SPMIP7: variants seen among roughly 807,000 people sequenced by gnomAD.
SPMIP7 encodes protein SPMIP7.
At chr7:50,122,705 C>G in the SPMIP7 span, among the ~76,000 whole-genome samples, 12 of 151,102 alleles carry the variant, frequency 7.9e-5, no homozygotes, top group Admixed American at 2.0e-4. Context: ...ACAATGAACT[C>G]AAACAAATTT....
chr7:50,138,234 T>C, the SPMIP7 span, among the ~76,000 whole-genome samples: 1 of 152,222 alleles, frequency 6.6e-6, no homozygotes, highest in Non-Finnish European at 1.5e-5. Context: ...CTCAGTTTAA[T>C]GACAGGATCT....
chr7:50,098,875 GTTAA>G, the SPMIP7 span, among the ~76,000 whole-genome samples: 1 of 152,068 alleles, frequency 6.6e-6, no homozygotes, highest in Admixed American at 6.6e-5. Flanking sequence ...CATCTTTATA[GTTAA>G]TTAACATTAA....
At chr7:50,149,908 G>A in the SPMIP7 span, among the ~76,000 whole-genome samples, 3 of 152,020 alleles carry the variant, frequency 2.0e-5, no homozygotes, top group African/African-American at 4.8e-5. Flanking sequence ...AAGTCCTTCC[G>A]GTTGGTATCA....
chr7:50,104,106 G>A, the SPMIP7 span, among the ~76,000 whole-genome samples: 1 of 152,148 alleles, frequency 6.6e-6, no homozygotes, highest in African/African-American at 2.4e-5. Flanking sequence ...AATAACAAGT[G>A]ATTCTGCACT....
chr7:50,146,951 A>G, the SPMIP7 span, among the ~76,000 whole-genome samples: 6 of 152,314 alleles, frequency 3.9e-5, no homozygotes, highest in East Asian at 3.9e-4. Flanking sequence ...CTGATGGCCA[A>G]TTATAGGTGA....
the SPMIP7 span, chr7:50,120,244 G>A: frequency 2.6e-5 from 4 of 152,178 alleles, no homozygotes; most frequent in African/African-American, 7.2e-5. Context: ...TTTCCACTGA[G>A]AAAAGTTTCT....
chr7:50,155,366 A>G, the SPMIP7 span, among the ~76,000 whole-genome samples: 2 of 152,226 alleles, frequency 1.3e-5, no homozygotes, highest in Non-Finnish European at 2.9e-5. Context: ...CATGTGAGGG[A>G]CATAAAACAA....
chr7:50,096,327 A>G, the SPMIP7 span: 3 of 1,552,104 alleles, frequency 1.9e-6, 1 homozygote, highest in African/African-American at 2.7e-5. Context: ...TATCATTTAC[A>G]TGATCCTTAT....
At chr7:50,155,255 A>T in the SPMIP7 span, among the ~76,000 whole-genome samples, 87 of 152,344 alleles carry the variant, frequency 5.7e-4, no homozygotes, top group African/African-American at 2.0e-3. Flanking sequence ...TACACAAGAA[A>T]CCATTGCCAA....
chr7:50,143,499 T>G, the SPMIP7 span, among the ~76,000 whole-genome samples: 2 of 152,172 alleles, frequency 1.3e-5, no homozygotes, highest in Non-Finnish European at 2.9e-5. Flanking sequence ...GTCAAGGCCA[T>G]TTACTCTCTA....
At chr7:50,136,057 C>T in the SPMIP7 span, 9 of 1,415,794 alleles carry the variant, frequency 6.4e-6, no homozygotes, top group Non-Finnish European at 8.8e-6. Context: ...GAAATTATAA[C>T]GTGCTCATTA....
At chr7:50,159,174 G>C in the SPMIP7 span, 2 of 1,550,932 alleles carry the variant, frequency 1.3e-6, no homozygotes, top group Admixed American at 3.9e-5. Flanking sequence ...TACTAGAGGA[G>C]GCGGCCCTGC....
the SPMIP7 span, among the ~76,000 whole-genome samples, chr7:50,110,701 A>C: frequency 8.5e-6 from 1 of 117,876 alleles, no homozygotes; most frequent in Non-Finnish European, 1.6e-5. Context: ...TATACATATT[A>C]TTATATAATA....
chr7:50,122,769 C>T, the SPMIP7 span, among the ~76,000 whole-genome samples: 3 of 152,218 alleles, frequency 2.0e-5, no homozygotes, highest in South Asian at 2.1e-4. Flanking sequence ...CATGAACAGA[C>T]ACTTCTCAAA....
chr7:50,156,232 G>A, the SPMIP7 span, among the ~76,000 whole-genome samples: 3 of 152,156 alleles, frequency 2.0e-5, no homozygotes, highest in Non-Finnish European at 4.4e-5. Context: ...CACTCTGATT[G>A]TATCTAGCAC....
At chr7:50,126,592 T>C in the SPMIP7 span, among the ~76,000 whole-genome samples, 1 of 151,862 alleles carries the variant, frequency 6.6e-6, no homozygotes, top group Non-Finnish European at 1.5e-5. Flanking sequence ...ATAGAGGAAA[T>C]CTTAGATTAA....
the SPMIP7 span, among the ~76,000 whole-genome samples, chr7:50,140,476 T>A: frequency 6.6e-6 from 1 of 152,266 alleles, no homozygotes; most frequent in Non-Finnish European, 1.5e-5. Flanking sequence ...ATAAAATACC[T>A]TGGATGCTAC....
At chr7:50,156,387 C>T in the SPMIP7 span, among the ~76,000 whole-genome samples, 3 of 152,038 alleles carry the variant, frequency 2.0e-5, no homozygotes, top group South Asian at 2.1e-4. Context: ...TCTAAGAAGT[C>T]ATCTTCACAC....
chr7:50,096,659 T>C, the SPMIP7 span: 16 of 1,481,196 alleles, frequency 1.1e-5, no homozygotes, highest in Non-Finnish European at 1.3e-5. Context: ...TGACATGAAC[T>C]TTCTATTTTT....
Sources: gnomAD v4.1 joint callset for allele counts (sites outside exome capture counted in the v4.1 genomes callset) on GRCh38, gnomAD v4.1.1 for gene constraint, MANE v1.5 for transcripts, NCBI Gene and HGNC (gene_info 2026-07-23, HGNC 2026-07-21) for gene names.